SMARCB1: variants seen among roughly 807,000 people sequenced by gnomAD.
The protein encoded by SMARCB1 is SWI/SNF related BAF chromatin remodeling complex subunit B1.
In SMARCB1, 5 loss-of-function variants were observed where a neutral mutation model predicts 49.0. The observed-to-expected ratio is 0.10, with a 90% confidence interval of 0.05 to 0.21. SMARCB1 has a LOEUF of 0.21. Ranked by LOEUF, SMARCB1 falls within the 10% of genes least tolerant of loss-of-function variation. The probability of loss-of-function intolerance (pLI) is 1.00; values close to 1 mark genes in which losing one functional copy is unlikely to be tolerated. For synonymous variants in SMARCB1, 201 were observed against 200.1 expected, an observed-to-expected ratio of 1.00 and a Z score of -0.04; for missense variants, 226 against 509.2, an observed-to-expected ratio of 0.44 and a Z score of 5.35.
chr22:23,824,311 G>A (rs1270029589), intron 6 of SMARCB1: 1 of 152,260 alleles, frequency 6.6e-6, no homozygotes, highest in Admixed American at 6.5e-5. Context: ...AAAAGCTAAG[G>A]GCCAACAATG....
At position 23,834,854 on chromosome 22, in the gene SMARCB1, C is replaced by T. The variant is rs376774296; in HGVS notation, c.*674C>T. 81 of 1,612,552 alleles carry T rather than the reference C, an allele frequency of 5.0e-5. 1 individual carries two copies. The highest frequency in any genetic ancestry group is 1.1e-4 in the East Asian group (5 of 44,878). On this transcript the variant is annotated 3_prime_UTR_variant, in exon 9 of 9. Coordinates refer to ENST00000644036, the MANE Select transcript of SMARCB1 (RefSeq NM_003073.5). Reference sequence around the variant, plus strand: ...AGGAAGGTGCCGCGAGCTCTCCTGCCGTCCCTGGGCCGCCCTGGCTCTGCT... The same window carrying T: ...AGGAAGGTGCCGCGAGCTCTCCTGCTGTCCCTGGGCCGCCCTGGCTCTGCT...
intron 3 of SMARCB1, among the ~76,000 whole-genome samples, chr22:23,798,075 G>A (rs1928891795): frequency 6.6e-6 from 1 of 151,712 alleles, no homozygotes; most frequent in Admixed American, 6.6e-5. Context: ...AGGATGAGGG[G>A]GCAGGGGCTC....
In SMARCB1 at chr22:23,837,303, C is replaced by T. The variant is rs576983206; in HGVS notation, c.*3123C>T. ...AAAGCCTTGCACAGAGTGCCAGCCC[C>T]GGGTTGGCCGTGAAGGACAAGCTTA... On this transcript the variant is annotated 3_prime_UTR_variant, in exon 9 of 9. Transcript: ENST00000644036. The T allele has an allele frequency of 2.5e-4, 267 of 1,057,308 alleles. No individual in the cohort carries two copies. The highest frequency in any genetic ancestry group is 2.2e-3 in the African/African-American group (133 of 61,632). 65.5% of individuals were successfully genotyped at this position (1,057,308 alleles called of 1,614,324 possible).
chr22:23,799,679 A>ATTTTTTTTTTTTTTTTTTTTT (rs71184912), intron 3 of SMARCB1, among the ~76,000 whole-genome samples: 17 of 68,416 alleles, frequency 2.5e-4, no homozygotes, highest in African/African-American at 5.8e-4. Flanking sequence ...CACCTGGCTA[A>ATTTTTTTTTTTTTTTTTTTTT]TTTTTTTTTT....
intron 3 of SMARCB1, among the ~76,000 whole-genome samples, chr22:23,797,057 G>T (rs1173379063): frequency 1.3e-5 from 2 of 149,524 alleles, no homozygotes; most frequent in Non-Finnish European, 3.0e-5. Flanking sequence ...GAGTGCAGTG[G>T]CGCAATCTCG....
intron 7 of SMARCB1, among the ~76,000 whole-genome samples, chr22:23,831,279 C>A (rs1231629557): frequency 2.6e-5 from 4 of 152,168 alleles, no homozygotes; most frequent in African/African-American, 9.7e-5. Context: ...CACATGAGGT[C>A]ATGAAAGTGA....
chr22:23,799,380 G>A (rs1275653893), intron 3 of SMARCB1, among the ~76,000 whole-genome samples: 1 of 151,766 alleles, frequency 6.6e-6, no homozygotes, highest in Non-Finnish European at 1.5e-5. Context: ...CTGGGTTCAA[G>A]TGATTCTCAT....
chr22:23,808,230 C>T (rs896189768), intron 5 of SMARCB1, among the ~76,000 whole-genome samples: 2 of 152,016 alleles, frequency 1.3e-5, no homozygotes, highest in African/African-American at 4.8e-5. Flanking sequence ...ACGCCATTCT[C>T]CTGCCTCAGC....
At chr22:23,833,504 A>G in intron 7 of SMARCB1, 68 bp from the exon 8 acceptor site, 1 of 1,609,124 alleles carries the variant, frequency 6.2e-7, no homozygotes, top group Non-Finnish European at 8.5e-7. Context: ...ACAGGGGCCA[A>G]AGCTTTCTGA....
At chr22:23,814,858 T>A (rs1488273257) in intron 5 of SMARCB1, 4 of 151,100 alleles carry the variant, frequency 2.6e-5, no homozygotes, top group African/African-American at 9.8e-5. Flanking sequence ...TAATTCCAGC[T>A]ACTTGGGAGG....
intron 6 of SMARCB1, among the ~76,000 whole-genome samples, chr22:23,822,307 G>A (rs1431882972): frequency 6.6e-6 from 1 of 152,234 alleles, no homozygotes; most frequent in Non-Finnish European, 1.5e-5. Context: ...CTGTGGCACT[G>A]TCCAGGCCCC....
rs765990218 is a variant in SMARCB1, at chr22:23,799,049, CAAAAAAA to C, written c.363-1882_363-1876del. ...CAGGCGACAGAGCGAGACTCCATCT[CAAAAAAA>C]AAAAAAAAAAAAGTTTGTCATGACT... is the stretch of plus-strand genomic sequence containing the variant. On this transcript the variant is annotated intron_variant, in intron 3 of 8. Coordinates refer to ENST00000644036, the MANE Select transcript of SMARCB1 (RefSeq NM_003073.5). Among the ~76,000 whole-genome samples, 396 of 59,326 alleles carry C rather than the reference CAAAAAAA, an allele frequency of 6.7e-3. 2 individuals carry two copies. The highest frequency in any genetic ancestry group is 0.022 in the African/African-American group (363 of 16,528). The allele number at this position is 59,326 out of a possible 152,430, so 38.9% of individuals were successfully genotyped here.
chr22:23,803,686 G>C (rs1929317772), intron 5 of SMARCB1: 2 of 552,568 alleles, frequency 3.6e-6, no homozygotes, highest in Admixed American at 5.7e-5. Flanking sequence ...CGGCTGATCT[G>C]CATAGCATGG....
intron 3 of SMARCB1, among the ~76,000 whole-genome samples, chr22:23,794,639 C>G (rs1360622397): frequency 6.6e-6 from 1 of 152,050 alleles, no homozygotes; most frequent in Non-Finnish European, 1.5e-5. Flanking sequence ...TGGCTCACAC[C>G]TGTAATCCCA....
intron 5 of SMARCB1, among the ~76,000 whole-genome samples, chr22:23,806,502 C>T (rs2267034): frequency 0.92 from 139,757 of 152,308 alleles, 64,269 homozygotes; most frequent in Middle Eastern, 0.97. Flanking sequence ...AAAATTGTTA[C>T]TGATTTGCTT....
At chr22:23,816,640 C>G (rs1358590789) in intron 5 of SMARCB1, 130 bp from the exon 6 acceptor site, 2 of 670,662 alleles carry the variant, frequency 3.0e-6, no homozygotes, top group Non-Finnish European at 4.9e-6. Flanking sequence ...AGGAAGGCCA[C>G]CCCCAGTGCC....
intron 7 of SMARCB1, among the ~76,000 whole-genome samples, chr22:23,827,889 G>A (rs2030466656): frequency 6.6e-6 from 1 of 152,008 alleles, no homozygotes; most frequent in African/African-American, 2.4e-5. Context: ...GTTTAACTCT[G>A]TCCCCAGGGA....
At chr22:23,818,901 C>T (rs902849848) in intron 6 of SMARCB1, among the ~76,000 whole-genome samples, 5 of 152,164 alleles carry the variant, frequency 3.3e-5, no homozygotes, top group Non-Finnish European at 5.9e-5. Flanking sequence ...AGTGCAGTGG[C>T]GCAGTTATGG....
Position 23,837,772 on chromosome 22 carries a change from G to T in SMARCB1, c.*3592G>T. On this transcript the variant is annotated 3_prime_UTR_variant, in exon 9 of 9. Coordinates refer to ENST00000644036, the MANE Select transcript of SMARCB1 (RefSeq NM_003073.5). Reference sequence around the variant, plus strand: ...GCCGAAGAAGTTGACCCTCACCCGAGGGCTGCGGCGGCTCCACACGTACAC... The same window carrying T: ...GCCGAAGAAGTTGACCCTCACCCGATGGCTGCGGCGGCTCCACACGTACAC... 6.2e-7 allele frequency: 1 copy of T among 1,613,946 alleles called. No individual in the cohort carries two copies. Among genetic ancestry groups the T allele is most frequent in the Non-Finnish European group, 8.5e-7 (1 of 1,180,006 alleles).
Sources: allele counts gnomAD v4.1 joint callset (sites outside exome capture counted in the v4.1 genomes callset), GRCh38; gene constraint gnomAD v4.1.1; transcripts MANE v1.5; gene names NCBI Gene and HGNC (gene_info 2026-07-23, HGNC 2026-07-21).